TPD52L2: variants seen among roughly 807,000 people sequenced by gnomAD.
The protein encoded by TPD52L2 is tumor protein D54.
Under a neutral mutation model 24.7 loss-of-function variants are expected in TPD52L2, and 19 were observed. The observed-to-expected ratio is 0.77, with a 90% CI of 0.54 to 1.13. TPD52L2 has a LOEUF of 1.13. Ranked by LOEUF, TPD52L2 falls within the 50% of genes most tolerant of loss-of-function variation. TPD52L2 has a pLI of 0.00. For missense variants in TPD52L2, 236 were observed against 250.4 expected (o/e 0.94, Z 0.39); for synonymous variants, 104 against 100.2 (o/e 1.04, Z -0.23).
At chr20:63,873,474 C>T (rs551346474) in intron 2 of TPD52L2, among the ~76,000 whole-genome samples, 194 bp from the exon 3 acceptor site, 7 of 146,716 alleles carry the variant, frequency 4.8e-5, no homozygotes, top group East Asian at 4.0e-4. Context: ...GGGCGACGAG[C>T]GAAACTCCAT....
chr20:63,874,769 T>C (rs926200559), intron 3 of TPD52L2, among the ~76,000 whole-genome samples: 1 of 152,184 alleles, frequency 6.6e-6, no homozygotes, highest in Admixed American at 6.5e-5. Flanking sequence ...GAGAGAGCAC[T>C]GATCAGGTCC....
chr20:63,875,720 G>A (rs1292198077), intron 3 of TPD52L2, 96 bp from the exon 4 acceptor site: 1 of 1,271,640 alleles, frequency 7.9e-7, no homozygotes, highest in African/African-American at 1.5e-5. Context: ...CCTGCCAGCT[G>A]GTCCCTCTCT....
intron 1 of TPD52L2, among the ~76,000 whole-genome samples, chr20:63,866,758 CTTTT>C (rs773870171): frequency 8.0e-6 from 1 of 124,518 alleles, no homozygotes; most frequent in Non-Finnish European, 1.7e-5. Context: ...CGCGCCTGGC[CTTTT>C]TTTTTTTTTT....
intron 2 of TPD52L2, among the ~76,000 whole-genome samples, chr20:63,872,505 G>A (rs1047234715): frequency 3.3e-5 from 5 of 151,998 alleles, no homozygotes; most frequent in African/African-American, 9.7e-5. Context: ...AGCCTCCCGA[G>A]TAGCTGGGGT....
At chr20:63,889,069 G>T in intron 5 of TPD52L2, 121 bp from the exon 6 acceptor site, 2 of 824,798 alleles carry the variant, frequency 2.4e-6, no homozygotes, top group Non-Finnish European at 4.1e-6. Flanking sequence ...TTTGCCATGA[G>T]ATCTTGGGAT....
chr20:63,888,880 G>A (rs1309095486), intron 5 of TPD52L2: 6 of 436,920 alleles, frequency 1.4e-5, no homozygotes, highest in South Asian at 6.3e-5. Context: ...ACCTCAGTAC[G>A]AGAGCCCGGG....
chr20:63,873,888 G>A, intron 3 of TPD52L2, 72 bp downstream of exon 3: 3 of 1,406,602 alleles, frequency 2.1e-6, no homozygotes, highest in Non-Finnish European at 2.8e-6. Flanking sequence ...GGCATGTGGG[G>A]GGGCGTCGTC....
At chr20:63,887,760 A>C (rs1298270719) in intron 5 of TPD52L2, 11 of 743,512 alleles carry the variant, frequency 1.5e-5, no homozygotes, top group Admixed American at 1.1e-4. Flanking sequence ...GCCGGTAAAA[A>C]CCCCCTCTAG....
At chr20:63,887,531 T>G in intron 5 of TPD52L2, 1 of 1,597,160 alleles carries the variant, frequency 6.3e-7, no homozygotes, top group Non-Finnish European at 8.5e-7. Flanking sequence ...TAACTCTTGC[T>G]TCCTTCTCTG....
chr20:63,879,349 TGTCAGTG>T (rs903536297), intron 4 of TPD52L2, among the ~76,000 whole-genome samples: 3 of 151,918 alleles, frequency 2.0e-5, no homozygotes, highest in African/African-American at 7.3e-5. Flanking sequence ...TGGCACCGGG[TGTCAGTG>T]GCCAGTGGTC....
Position 63,877,287 on chromosome 20 carries a change from A to G in TPD52L2, c.374+1412A>G, listed in dbSNP as rs1379222153. On this transcript the variant is annotated intron_variant, in intron 4 of 6. Coordinates refer to ENST00000346249, the MANE Select transcript of TPD52L2 (RefSeq NM_003288.4). The surrounding 1 kb of genome is among the most constrained non-coding windows in gnomAD (Gnocchi z 4.1). ...TGATCCGCCTGCCTCAGCCTCCCAA[A>G]GTGCTGGGACTACAGGCGCCCACCA... 10 of 274,460 alleles carry G rather than the reference A, an allele frequency of 3.6e-5. No individual in the cohort carries two copies. The highest frequency in any genetic ancestry group is 9.7e-5 in the African/African-American group (4 of 41,170). 17.0% of individuals were successfully genotyped at this position (274,460 alleles called of 1,614,324 possible).
At chr20:63,887,462 G>C in intron 5 of TPD52L2, 1 of 1,259,310 alleles carries the variant, frequency 7.9e-7, no homozygotes, top group South Asian at 1.2e-5. Context: ...TGCTGGGAGT[G>C]GGGGAATCCC....
At chr20:63,886,029 T>C (rs1392992802) in intron 5 of TPD52L2, 1 of 1,614,196 alleles carries the variant, frequency 6.2e-7, no homozygotes, top group Admixed American at 1.7e-5. Context: ...TCATCCATTT[T>C]CACACTCCTT....
intron 5 of TPD52L2, among the ~76,000 whole-genome samples, chr20:63,885,804 G>A (rs980009259): frequency 1.3e-5 from 2 of 152,232 alleles, no homozygotes; most frequent in African/African-American, 4.8e-5. Context: ...AGAGCCTCCT[G>A]TTGAGTCAGG....
intron 4 of TPD52L2, among the ~76,000 whole-genome samples, chr20:63,876,288 G>A (rs1287328301): frequency 3.3e-5 from 5 of 152,228 alleles, no homozygotes; most frequent in Non-Finnish European, 5.9e-5. Flanking sequence ...AGCTCCAGCT[G>A]TTGGGTTCTC....
chr20:63,868,059 C>T (rs890945390), intron 1 of TPD52L2, among the ~76,000 whole-genome samples: 23 of 151,658 alleles, frequency 1.5e-4, no homozygotes, highest in South Asian at 2.1e-4. Context: ...GAACTACAGG[C>T]GCGTGCCACC....
intron 5 of TPD52L2, among the ~76,000 whole-genome samples, chr20:63,884,202 G>A (rs1406484600): frequency 9.2e-5 from 14 of 152,042 alleles, no homozygotes; most frequent in Admixed American, 9.2e-4. Context: ...GACTTGGGGG[G>A]GTCCTTGTGG....
chr20:63,865,572 G>A (rs1291751295), intron 1 of TPD52L2, among the ~76,000 whole-genome samples, 188 bp downstream of exon 1: 1 of 152,144 alleles, frequency 6.6e-6, no homozygotes, highest in Non-Finnish European at 1.5e-5. Context: ...TTTGCCCGCG[G>A]CCCAGACCGC....
rs1263937470 is a variant in TPD52L2 at position 63,877,943 on chromosome 20, C to T, written c.374+2068C>T. Among the ~76,000 whole-genome samples, 5 of 152,154 alleles carry T rather than the reference C, an allele frequency of 3.3e-5. No individual in the cohort carries two copies. The highest frequency in any genetic ancestry group is 5.9e-5 in the Non-Finnish European group (4 of 68,016). ...CTGGTGGGAAGGCCCAGGCCGAGGG[C>T]GATGGTTTCTGCCGGGACGGCCGAG... On this transcript the variant is annotated intron_variant, in intron 4 of 6. Transcript: ENST00000346249. The surrounding 1 kb of genome is among the most constrained non-coding windows in gnomAD (Gnocchi z 4.1).
Sources: gnomAD v4.1 joint callset for allele counts (sites outside exome capture counted in the v4.1 genomes callset) on GRCh38, gnomAD v4.1.1 for gene constraint, Gnocchi (gnomAD v3.1) non-coding constraint, MANE v1.5 for transcripts, NCBI Gene and HGNC (gene_info 2026-07-23, HGNC 2026-07-21) for gene names.